Variants in CDHR1 observed in about 807,000 individuals in gnomAD.
CDHR1 encodes cadherin related family member 1.
In CDHR1, 61 loss-of-function variants were observed where a neutral mutation model predicts 72.1. The ratio of observed to expected loss-of-function variants is 0.85; its 90% confidence interval spans 0.69 to 1.05. The LOEUF (loss-of-function observed/expected upper bound fraction) is 1.05, where lower values mean the gene tolerates loss of function less well. Among genes scored for constraint, CDHR1 ranks in the 50% least tolerant of loss-of-function variants. CDHR1 has a pLI of 0.00. For synonymous variants in CDHR1, 470 were observed against 448.1 expected (o/e 1.05, Z -0.62); for missense variants, 1,186 against 1,115.7 (o/e 1.06, Z -0.90).
At chr10:84,218,698 C>T (rs945530535), downstream of CDHR1, 20 of 988,606 alleles carry the variant, frequency 2.0e-5, no homozygotes, top group Non-Finnish European at 1.6e-5. Context: ...ACAACTATAT[C>T]GGAAACTGTA....
Position 84,215,944 on chromosome 10 carries a change from T to C in CDHR1, c.*1323T>C. 5 of 985,246 alleles carry C rather than the reference T, an allele frequency of 5.1e-6. No homozygotes were observed. The highest frequency in any genetic ancestry group is 6.0e-6 in the Non-Finnish European group (5 of 829,850). 61.0% of individuals were successfully genotyped at this position (985,246 alleles called of 1,614,324 possible). On this transcript the variant is annotated 3_prime_UTR_variant, in exon 17 of 17. Coordinates refer to ENST00000623527, the MANE Select transcript of CDHR1 (RefSeq NM_033100.4). The stretch of plus-strand genomic sequence containing the variant: ...AATTTGCCAAGATGAAGAAAATGAG[T>C]TCTCAAGGAGGGAATGCTTTGCTTG...
At position 84,200,605 on chromosome 10, in the gene CDHR1, T is replaced by C. The variant is rs1434912923; in HGVS notation, c.443T>C (p.Ile148Thr). The change falls in exon 6 of 17, where the codon ATA becomes ACA. Residue 148 changes from isoleucine (I) to threonine (T), a missense_variant. Coordinates refer to ENST00000623527, the MANE Select transcript of CDHR1 (RefSeq NM_033100.4). ...EPYVALVPEDIPAGSIIFKVH... is the reference protein window; with the variant it reads ...EPYVALVPEDTPAGSIIFKVH... ...CTGTGGCTGTGACCCCCTCAGGACATACCTGCTGGGAGCATCATCTTTAAG... is the reference window on the plus strand; with the variant it reads ...CTGTGGCTGTGACCCCCTCAGGACACACCTGCTGGGAGCATCATCTTTAAG... The C allele has an allele frequency of 3.1e-6, 5 of 1,609,584 alleles. No homozygotes were observed. The highest frequency in any genetic ancestry group is 3.4e-6 in the Non-Finnish European group (4 of 1,177,904).
downstream of CDHR1, chr10:84,218,740 G>A (rs184572232): frequency 1.4e-4 from 140 of 1,001,442 alleles, no homozygotes; most frequent in Middle Eastern, 1.5e-3. Context: ...AACAGAACAT[G>A]TGAAGGATAT....
At chr10:84,204,005 C>T (rs1268222518) in intron 8 of CDHR1, among the ~76,000 whole-genome samples, 1 of 152,078 alleles carries the variant, frequency 6.6e-6, no homozygotes, top group Non-Finnish European at 1.5e-5. Context: ...GGACAACAGG[C>T]AGAAGTCAAG....
intron 14 of CDHR1, 67 bp from the exon 15 acceptor site, chr10:84,212,111 AG>A: frequency 7.4e-7 from 1 of 1,347,740 alleles, no homozygotes; most frequent in South Asian, 1.2e-5. Flanking sequence ...TCATTATTGC[AG>A]GCATGTGTAT....
At chr10:84,203,181 T>C (rs879798424) in intron 8 of CDHR1, 58 bp downstream of exon 8, 340 of 1,609,140 alleles carry the variant, frequency 2.1e-4, no homozygotes, top group Non-Finnish European at 2.8e-4. Context: ...CCCTGACCCT[T>C]GTGATTTTAG....
At chr10:84,204,450 C>A in intron 8 of CDHR1, 77 bp from the exon 9 acceptor site, 2 of 1,044,306 alleles carry the variant, frequency 1.9e-6, no homozygotes, top group South Asian at 1.3e-5. Context: ...ACCTCCTTTT[C>A]ATCATGGAGA....
At chr10:84,219,397 T>C (rs1842475310), downstream of CDHR1, 2 of 1,409,796 alleles carry the variant, frequency 1.4e-6, no homozygotes, top group Admixed American at 5.3e-5. Flanking sequence ...TCCCCTGCAC[T>C]GCTTGCTGCT....
intron 8 of CDHR1, 26 bp from the exon 9 acceptor site, chr10:84,204,501 G>C (rs1842188045): frequency 6.4e-7 from 1 of 1,551,218 alleles, no homozygotes; most frequent in Non-Finnish European, 8.9e-7. Flanking sequence ...TGCCCATCAG[G>C]CAGCGGCTGT....
intron 15 of CDHR1, 152 bp downstream of exon 15, chr10:84,212,559 C>T: frequency 1.5e-6 from 1 of 675,436 alleles, no homozygotes; most frequent in African/African-American, 1.8e-5. Flanking sequence ...CCCATCCCCA[C>T]CTCAACAGAG....
chr10:84,205,961 C>A lies in CDHR1; in HGVS notation c.963+34C>A, dbSNP rs766087316. On this transcript the variant is annotated intron_variant, in intron 10 of 16. Transcript: ENST00000623527. ...CCTCTAGCTTTGTCTTCCCTGCCCA[C>A]CTTTGGCCCTGGAAGTCTATAAAGG... is the stretch of plus-strand genomic sequence containing the variant. 10 of 1,527,010 alleles carry A rather than the reference C, an allele frequency of 6.5e-6. No homozygotes were observed. The South Asian group carries it at 6.8e-5, about 10-fold the overall frequency. 94.6% of individuals were successfully genotyped at this position (1,527,010 alleles called of 1,614,324 possible). A position where few individuals can be genotyped will look rare whatever the true frequency, so the allele number is the denominator to read the frequency against.
chr10:84,217,066 T>C lies in CDHR1; in HGVS notation c.*2445T>C, dbSNP rs1180110408. 1.0e-6 allele frequency: 1 copy of C among 985,552 alleles called. No individual in the cohort carries two copies. Among genetic ancestry groups the C allele is most frequent in the East Asian group, 1.1e-4 (1 of 8,830 alleles). 61.1% of individuals were successfully genotyped at this position (985,552 alleles called of 1,614,324 possible). On this transcript the variant is annotated 3_prime_UTR_variant, in exon 17 of 17. Coordinates refer to ENST00000623527, the MANE Select transcript of CDHR1 (RefSeq NM_033100.4). ...ATGGGGAAGTGCCCGGTAGCCAGCA[T>C]GAGCCACACTAGGAAAGAGGAGGAG... is the stretch of plus-strand genomic sequence containing the variant.
At position 84,215,396 on chromosome 10, in the gene CDHR1, A is replaced by C; in HGVS notation, c.*775A>C. The C allele has an allele frequency of 5.1e-6, 5 of 985,602 alleles. No individual in the cohort carries two copies. The South Asian group carries it at 2.3e-4, about 46-fold the overall frequency. 61.1% of individuals were successfully genotyped at this position (985,602 alleles called of 1,614,324 possible). On this transcript the variant is annotated 3_prime_UTR_variant, in exon 17 of 17. Coordinates refer to ENST00000623527, the MANE Select transcript of CDHR1 (RefSeq NM_033100.4). ...AGAGGTAGCCCTAAAGGCAACTAGA[A>C]GAGCATCAGGGCTGCTCTCTGAGGA...
chr10:84,199,745 T>C (rs1042161239), intron 5 of CDHR1, among the ~76,000 whole-genome samples: 1 of 152,256 alleles, frequency 6.6e-6, no homozygotes, highest in East Asian at 1.9e-4. Context: ...TTGAAATTAC[T>C]GCATCAAAAG....
At chr10:84,199,624 G>A (rs984957373) in intron 5 of CDHR1, among the ~76,000 whole-genome samples, 2 of 152,204 alleles carry the variant, frequency 1.3e-5, no homozygotes, top group Non-Finnish European at 2.9e-5. Flanking sequence ...ATTGCCTGAT[G>A]TTTGGATATT....
Position 84,210,990 on chromosome 10 carries a change from C to A in CDHR1, c.1321-11C>A, listed in dbSNP as rs753452834. On this transcript the variant is annotated splice_polypyrimidine_tract_variant and intron_variant, in intron 12 of 16. Coordinates refer to ENST00000623527, the MANE Select transcript of CDHR1 (RefSeq NM_033100.4). ...CTACCCAGACAAGTCCCCATTTTCC[C>A]CCCTTCCCAGCTCCTGGCTGTTGAA... The A allele has an allele frequency of 6.2e-7, 1 of 1,614,202 alleles. No homozygotes were observed. The highest frequency in any genetic ancestry group is 8.5e-7 in the Non-Finnish European group (1 of 1,180,040).
intron 5 of CDHR1, among the ~76,000 whole-genome samples, chr10:84,200,084 C>T (rs1402420747): frequency 1.1e-4 from 16 of 151,710 alleles, no homozygotes; most frequent in Admixed American, 5.9e-4. Context: ...GCAGGAGAAT[C>T]GCTTGAACCC....
At chr10:84,219,052 A>C (rs912217050), downstream of CDHR1, 4 of 809,762 alleles carry the variant, frequency 4.9e-6, no homozygotes, top group Non-Finnish European at 7.9e-6. Flanking sequence ...GAGAACACTA[A>C]TGTACTATTA....
At chr10:84,212,152 C>T in intron 14 of CDHR1, 27 bp from the exon 15 acceptor site, 1 of 1,578,236 alleles carries the variant, frequency 6.3e-7, no homozygotes, top group Non-Finnish European at 8.7e-7. Context: ...TGCGTGCACA[C>T]CCATGCCTAT....
Sources: gnomAD v4.1 joint callset for allele counts (sites outside exome capture counted in the v4.1 genomes callset) on GRCh38, gnomAD v4.1.1 for gene constraint, MANE v1.5 for transcripts, NCBI Gene and HGNC (gene_info 2026-07-23, HGNC 2026-07-21) for gene names.